Variants in PLEKHM3 observed in about 807,000 individuals in gnomAD.
PLEKHM3 encodes the protein pleckstrin homology domain-containing family M member 3.
A neutral mutation model predicts 81.8 loss-of-function variants in PLEKHM3; 45 were observed. The ratio of observed to expected loss-of-function variants is 0.55; its 90% CI spans 0.43 to 0.71. The LOEUF is 0.71. Among genes scored for constraint, PLEKHM3 ranks in the 30% least tolerant of loss-of-function variants. PLEKHM3 has a pLI of 0.00. For missense variants in PLEKHM3, 788 were observed against 924.3 expected (o/e 0.85, Z 1.91); for synonymous variants, 352 against 356.4 (o/e 0.99, Z 0.14).
At chr2:207,958,000 A>G (rs1690579396) in intron 3 of PLEKHM3, among the ~76,000 whole-genome samples, 1 of 152,200 alleles carries the variant, frequency 6.6e-6, no homozygotes, top group East Asian at 1.9e-4. Context: ...TCCCTCCACA[A>G]CAAAGAGGTA....
At chr2:208,011,694 C>T (rs1692697699) in intron 1 of PLEKHM3, among the ~76,000 whole-genome samples, 1 of 150,806 alleles carries the variant, frequency 6.6e-6, no homozygotes, top group Non-Finnish European at 1.5e-5. Context: ...ACCAAAATCT[C>T]ACAAGTCACC....
intron 5 of PLEKHM3, among the ~76,000 whole-genome samples, chr2:207,920,778 T>C (rs1027979951): frequency 5.3e-5 from 8 of 152,156 alleles, no homozygotes; most frequent in African/African-American, 1.9e-4. Flanking sequence ...TAACTTCGTA[T>C]TTTTGTTTTA....
intron 6 of PLEKHM3, among the ~76,000 whole-genome samples, chr2:207,880,533 A>G (rs2092582949): frequency 6.6e-6 from 1 of 150,850 alleles, no homozygotes; most frequent in Non-Finnish European, 1.5e-5. Flanking sequence ...GGAGGCCGAG[A>G]CGGGCGGATC....
intron 6 of PLEKHM3, among the ~76,000 whole-genome samples, chr2:207,883,743 A>G (rs1687785009): frequency 6.6e-6 from 1 of 152,204 alleles, no homozygotes; most frequent in Non-Finnish European, 1.5e-5. Flanking sequence ...ATTATGAACA[A>G]AAAACTAGAG....
In PLEKHM3 at chr2:208,001,692, C is replaced by A. The variant is rs1692311901; in HGVS notation, c.-53G>T. 4 of 1,554,336 alleles carry A rather than the reference C, an allele frequency of 2.6e-6. No individual in the cohort carries two copies. The East Asian group carries it at 9.0e-5, about 35-fold the overall frequency. ...CCTAAGCTGGTTCCAGAAATGGCTTCATGAACATTCACCCAACCAAGAGGG... is the reference window on the plus strand; with the variant it reads ...CCTAAGCTGGTTCCAGAAATGGCTTAATGAACATTCACCCAACCAAGAGGG... On this transcript the variant is annotated 5_prime_UTR_variant, in exon 2 of 8. An upstream start codon of the reference 5' UTR is lost. Transcript: ENST00000427836.
intron 2 of PLEKHM3, among the ~76,000 whole-genome samples, chr2:207,984,903 G>A (rs1327136586): frequency 6.6e-6 from 1 of 150,898 alleles, no homozygotes; most frequent in Non-Finnish European, 1.5e-5. Flanking sequence ...TGTTTCCCAT[G>A]TTTTCTGTCA....
intron 1 of PLEKHM3, among the ~76,000 whole-genome samples, chr2:208,011,947 C>A (rs1692712456): frequency 6.6e-6 from 1 of 151,910 alleles, no homozygotes; most frequent in Non-Finnish European, 1.5e-5. Flanking sequence ...CAGGTGTCCG[C>A]CACCAGGCCT....
chr2:207,880,989 GA>G (rs1431018746), intron 6 of PLEKHM3, among the ~76,000 whole-genome samples: 4 of 151,290 alleles, frequency 2.6e-5, no homozygotes, highest in Non-Finnish European at 5.9e-5. Context: ...CCAGAACTTT[GA>G]AAAGGTTCAG....
At chr2:207,850,023 T>C (rs1413246982) in intron 7 of PLEKHM3, among the ~76,000 whole-genome samples, 1 of 152,102 alleles carries the variant, frequency 6.6e-6, no homozygotes, top group Non-Finnish European at 1.5e-5. Context: ...TCGAGCTGCG[T>C]CACAAATGGC....
At chr2:207,881,295 A>G (rs1484252899) in intron 6 of PLEKHM3, among the ~76,000 whole-genome samples, 1 of 152,238 alleles carries the variant, frequency 6.6e-6, no homozygotes, top group African/African-American at 2.4e-5. Context: ...AGAATGAGCC[A>G]TACTTTAAAC....
chr2:208,021,873 C>T (rs928410781), intron 1 of PLEKHM3, among the ~76,000 whole-genome samples: 3 of 152,196 alleles, frequency 2.0e-5, no homozygotes, highest in African/African-American at 4.8e-5. Flanking sequence ...TAAACTTCTT[C>T]ATTAAAAAAT....
chr2:207,882,930 T>TAGAGA (rs1687747081), intron 6 of PLEKHM3, among the ~76,000 whole-genome samples: 1 of 152,134 alleles, frequency 6.6e-6, no homozygotes, highest in South Asian at 2.1e-4. Flanking sequence ...TGTATTTTAG[T>TAGAGA]AGAGACAGGG....
Position 208,016,604 on chromosome 2 carries a change from C to G in PLEKHM3, c.-319+8785G>C, listed in dbSNP as rs980438593. Reference sequence around the variant, plus strand: ...GGCAGAGATTGCAGTGAGCCGAGACCGAGCCACTGTACTCCAACCTGGGTG... The same window carrying G: ...GGCAGAGATTGCAGTGAGCCGAGACGGAGCCACTGTACTCCAACCTGGGTG... On this transcript the variant is annotated intron_variant, in intron 1 of 7. Coordinates refer to ENST00000427836, the MANE Select transcript of PLEKHM3 (RefSeq NM_001080475.3). Among the ~76,000 whole-genome samples the G allele has an allele frequency of 5.4e-5, 8 of 147,108 alleles. No individual in the cohort carries two copies. The East Asian group carries it at 1.4e-3, about 26-fold the overall frequency.
intron 7 of PLEKHM3, chr2:207,852,858 G>GA (rs35197426): frequency 6.0e-3 from 2,180 of 362,922 alleles, no homozygotes; most frequent in South Asian, 8.1e-3. Flanking sequence ...AAGAAAAAAA[G>GA]AAAAAAAAAA....
At chr2:208,002,921 A>C (rs1484933278) in intron 1 of PLEKHM3, among the ~76,000 whole-genome samples, 1 of 151,944 alleles carries the variant, frequency 6.6e-6, no homozygotes, top group Non-Finnish European at 1.5e-5. Context: ...AAAAAAAAAA[A>C]CAAATAAAAC....
intron 6 of PLEKHM3, chr2:207,901,023 A>AC (rs913288999): frequency 2.6e-5 from 14 of 538,304 alleles, no homozygotes; most frequent in Admixed American, 3.3e-5. Flanking sequence ...CACTGACTAA[A>AC]CACCATCCAA....
chr2:207,931,156 C>A, intron 4 of PLEKHM3, 37 bp from the exon 5 acceptor site: 1 of 1,555,522 alleles, frequency 6.4e-7, no homozygotes. Flanking sequence ...CCTGGAGAAG[C>A]ACCTGGCTCT....
At position 207,959,910 on chromosome 2, in the gene PLEKHM3, C is replaced by A. The variant is rs558954874; in HGVS notation, c.1547-13398G>T. 2.6e-5 allele frequency among the ~76,000 whole-genome samples: 4 copies of A among 152,336 alleles called. No homozygotes were observed. The South Asian group carries it at 6.2e-4, about 24-fold the overall frequency. The stretch of plus-strand genomic sequence containing the variant: ...ATGTTGTACAAGATTTAGGGACTGT[C>A]TTGGTGTATTTTCTCTTCCTTTATT... On this transcript the variant is annotated intron_variant, in intron 3 of 7. Coordinates refer to ENST00000427836, the MANE Select transcript of PLEKHM3 (RefSeq NM_001080475.3).
intron 3 of PLEKHM3, among the ~76,000 whole-genome samples, chr2:207,948,780 T>A (rs964960397): frequency 5.5e-4 from 84 of 152,270 alleles, no homozygotes; most frequent in Non-Finnish European, 8.5e-4. Context: ...CCTGACCTCG[T>A]GATCCGCCCG....
Sources: allele counts gnomAD v4.1 joint callset (sites outside exome capture counted in the v4.1 genomes callset), GRCh38; gene constraint gnomAD v4.1.1; transcripts MANE v1.5; gene names NCBI Gene and HGNC (gene_info 2026-07-23, HGNC 2026-07-21).